FBXW7: variants seen among roughly 807,000 people sequenced by gnomAD.
The protein encoded by FBXW7 is F-box and WD repeat domain containing 7.
FBXW7 carries 11 observed loss-of-function variants against 86.3 expected under a neutral mutation model. That is an observed-to-expected ratio of 0.13 (90% confidence interval 0.08 to 0.21). The LOEUF (loss-of-function observed/expected upper bound fraction) is 0.21, where lower values mean the gene tolerates loss of function less well. FBXW7 is among the 10% of genes least tolerant of loss of function. FBXW7 has a pLI of 1.00. For missense variants in FBXW7, 488 were observed against 847.4 expected (o/e 0.58, Z 5.27); for synonymous variants, 313 against 297.9 (o/e 1.05, Z -0.52).
chr4:152,323,445 G>A, intron 13 of FBXW7: 1 of 415,046 alleles, frequency 2.4e-6, no homozygotes, highest in Non-Finnish European at 4.5e-6. Context: ...TCCTTGGTGA[G>A]GATGTAGATA....
intron 2 of FBXW7, among the ~76,000 whole-genome samples, chr4:152,473,031 C>T (rs1447855361): frequency 6.6e-6 from 1 of 152,108 alleles, no homozygotes; most frequent in Non-Finnish European, 1.5e-5. Context: ...CCCGTAAAAT[C>T]TTGCTAATGC....
chr4:152,441,197 A>G (rs1157887183), intron 2 of FBXW7, among the ~76,000 whole-genome samples: 1 of 151,958 alleles, frequency 6.6e-6, no homozygotes, highest in Non-Finnish European at 1.5e-5. Context: ...GTACCTATCA[A>G]CTTGTGATAT....
intron 2 of FBXW7, among the ~76,000 whole-genome samples, chr4:152,500,322 C>G (rs1317717743): frequency 6.6e-6 from 1 of 151,982 alleles, no homozygotes; most frequent in East Asian, 1.9e-4. Flanking sequence ...ACCAAAGGAG[C>G]AAACAATTAG....
At chr4:152,460,447 G>C (rs1742837832) in intron 2 of FBXW7, among the ~76,000 whole-genome samples, 1 of 152,154 alleles carries the variant, frequency 6.6e-6, no homozygotes. Context: ...CCTGTAGATG[G>C]TACTTGCCAT....
At chr4:152,330,191 AT>A (rs1005361409) in intron 9 of FBXW7, among the ~76,000 whole-genome samples, 1 of 151,946 alleles carries the variant, frequency 6.6e-6, no homozygotes, top group African/African-American at 2.4e-5. Flanking sequence ...AACAAAAAAA[AT>A]CATAATATAT....
intron 2 of FBXW7, among the ~76,000 whole-genome samples, chr4:152,419,733 G>T (rs1003799969): frequency 6.6e-6 from 1 of 151,894 alleles, no homozygotes; most frequent in Non-Finnish European, 1.5e-5. Flanking sequence ...AATACAGCAG[G>T]TCACAAAAAA....
chr4:152,378,090 G>A (rs1734722511), intron 4 of FBXW7, among the ~76,000 whole-genome samples: 2 of 152,162 alleles, frequency 1.3e-5, no homozygotes, highest in Admixed American at 1.3e-4. Flanking sequence ...GAGTGCAACA[G>A]AGGCCAACTA....
At chr4:152,401,071 A>G (rs549221769) in intron 4 of FBXW7, among the ~76,000 whole-genome samples, 4 of 152,328 alleles carry the variant, frequency 2.6e-5, no homozygotes, top group South Asian at 4.1e-4. Context: ...GAGCCACAGG[A>G]ACTCTCATTC....
At chr4:152,350,597 A>T (rs1731715357) in intron 4 of FBXW7, among the ~76,000 whole-genome samples, 1 of 151,826 alleles carries the variant, frequency 6.6e-6, no homozygotes, top group South Asian at 2.1e-4. Context: ...AATTTTAAAC[A>T]CTCATACCAT....
chr4:152,469,901 G>A (rs1370811812), intron 2 of FBXW7, among the ~76,000 whole-genome samples: 2 of 152,006 alleles, frequency 1.3e-5, no homozygotes, highest in East Asian at 3.8e-4. Flanking sequence ...GTAAACTTAA[G>A]TAACACGCAA....
At chr4:152,430,977 T>C (rs1739841095) in intron 2 of FBXW7, among the ~76,000 whole-genome samples, 1 of 152,212 alleles carries the variant, frequency 6.6e-6, no homozygotes, top group Non-Finnish European at 1.5e-5. Flanking sequence ...CCACACTGTG[T>C]GCAGTACAAT....
intron 4 of FBXW7, among the ~76,000 whole-genome samples, chr4:152,390,290 G>C (rs1161519049): frequency 6.6e-6 from 1 of 151,654 alleles, no homozygotes; most frequent in African/African-American, 2.4e-5. Context: ...AAGTACTTAA[G>C]ATAAAACAAA....
chr4:152,415,571 G>A (rs1221821411), intron 2 of FBXW7, among the ~76,000 whole-genome samples: 1 of 152,038 alleles, frequency 6.6e-6, no homozygotes, highest in East Asian at 1.9e-4. Context: ...ATGATTAGGA[G>A]TAAGTACCTG....
rs1728516020 is a variant in FBXW7, at chr4:152,320,893, G to T, written c.*1988C>A. 1 of 152,186 alleles carries T rather than the reference G, an allele frequency of 6.6e-6. No individual in the cohort carries two copies. Among genetic ancestry groups the T allele is most frequent in the Non-Finnish European group, 1.5e-5 (1 of 68,056 alleles). The allele number at this position is 152,186 out of a possible 1,614,324, so 9.4% of individuals were successfully genotyped here. A position where few individuals can be genotyped will look rare whatever the true frequency, so the allele number is the denominator to read the frequency against. ...AGAGAATGAACAGAAAGTATCGAGG[G>T]TAAGCACTTAATATGTGGTCAAAAT... On this transcript the variant is annotated 3_prime_UTR_variant, in exon 14 of 14. Transcript: ENST00000281708.
intron 2 of FBXW7, among the ~76,000 whole-genome samples, chr4:152,436,605 T>C (rs1010530607): frequency 6.6e-6 from 1 of 152,224 alleles, no homozygotes; most frequent in Non-Finnish European, 1.5e-5. Context: ...ATGACTCTTC[T>C]AGCTGGACAG....
chr4:152,350,186 C>A, intron 4 of FBXW7, 62 bp from the exon 5 acceptor site: 1 of 899,690 alleles, frequency 1.1e-6, no homozygotes, highest in Non-Finnish European at 1.7e-6. Context: ...AATCTTGAGT[C>A]AGCATGGTTA....
chr4:152,327,186 G>C (rs927859144), intron 11 of FBXW7, among the ~76,000 whole-genome samples: 1 of 151,966 alleles, frequency 6.6e-6, no homozygotes, highest in African/African-American at 2.4e-5. Context: ...AATGTTGAGA[G>C]AACATAATGG....
intron 2 of FBXW7, among the ~76,000 whole-genome samples, chr4:152,422,308 T>A (rs1739017525): frequency 6.6e-6 from 1 of 152,204 alleles, no homozygotes; most frequent in Non-Finnish European, 1.5e-5. Flanking sequence ...CTTCAAGATA[T>A]GTGTTGTATT....
chr4:152,347,464 G>T (rs1469953144), intron 5 of FBXW7, among the ~76,000 whole-genome samples: 1 of 152,084 alleles, frequency 6.6e-6, no homozygotes, highest in Non-Finnish European at 1.5e-5. Context: ...TATAAAAAGG[G>T]TTGTGATACT....
Sources: gnomAD v4.1 joint callset for allele counts (sites outside exome capture counted in the v4.1 genomes callset) on GRCh38, gnomAD v4.1.1 for gene constraint, MANE v1.5 for transcripts, NCBI Gene and HGNC (gene_info 2026-07-23, HGNC 2026-07-21) for gene names.